Variants in ARHGAP6 observed in about 807,000 individuals in gnomAD.
ARHGAP6 encodes rho GTPase-activating protein 6.
In ARHGAP6, 16 loss-of-function variants were observed where a neutral mutation model predicts 55.7. The ratio of observed to expected loss-of-function variants is 0.29; its 90% confidence interval spans 0.19 to 0.44. The LOEUF (loss-of-function observed/expected upper bound fraction) is 0.44. Among genes scored for constraint, ARHGAP6 ranks in the 20% least tolerant of loss-of-function variants. ARHGAP6 has a pLI of 1.00. For missense variants in ARHGAP6, 698 were observed against 808.9 expected (o/e 0.86, Z 1.66); for synonymous variants, 382 against 360.9 (o/e 1.06, Z -0.66).
At chrX:11,336,365 T>C (rs746048400) in intron 1 of ARHGAP6, among the ~76,000 whole-genome samples, 2 of 111,629 alleles carry the variant, frequency 1.8e-5, no homozygotes, top group South Asian at 7.7e-4. Flanking sequence ...CCTTTGCACC[T>C]GGAGCAGCTA....
intron 1 of ARHGAP6, among the ~76,000 whole-genome samples, chrX:11,429,466 G>A (rs1277445765): frequency 1.8e-5 from 2 of 111,722 alleles, no homozygotes; most frequent in South Asian, 3.8e-4. Context: ...TCAGACTAGT[G>A]TAATTTACAC....
chrX:11,465,225 C>T (rs1296634751), intron 1 of ARHGAP6, among the ~76,000 whole-genome samples: 2 of 111,845 alleles, frequency 1.8e-5, no homozygotes, highest in South Asian at 3.7e-4. Flanking sequence ...ATGGGCTTTG[C>T]GTGCAACTCT....
chrX:11,477,115 A>G (rs1021353722), intron 1 of ARHGAP6, among the ~76,000 whole-genome samples: 1 of 110,182 alleles, frequency 9.1e-6, no homozygotes, highest in African/African-American at 3.3e-5. Flanking sequence ...GAGATCTTAC[A>G]ACTCAAAAAT....
chrX:11,576,289 ATAT>A (rs1330583905), intron 1 of ARHGAP6, among the ~76,000 whole-genome samples: 2 of 112,176 alleles, frequency 1.8e-5, no homozygotes, highest in African/African-American at 6.5e-5. Flanking sequence ...GGCAGTGACT[ATAT>A]TATTTTATAC....
In ARHGAP6 at chrX:11,665,761, G is replaced by C. The variant is rs1165966357; in HGVS notation, c.-933C>G. ...CGCTCGCTCTAGAGGCAGCGGGAAG[G>C]GGGCGGCCAGGACGTGTAGAGCTGG... On this transcript the variant is annotated 5_prime_UTR_variant, in exon 1 of 13. Coordinates refer to ENST00000337414, the MANE Select transcript of ARHGAP6 (RefSeq NM_013427.3). 1 of 113,368 alleles carries C rather than the reference G, an allele frequency of 8.8e-6. No homozygotes were observed. Among genetic ancestry groups the C allele is most frequent in the Non-Finnish European group, 1.9e-5 (1 of 53,569 alleles). 9.3% of individuals were successfully genotyped at this position (113,368 alleles called of 1,213,427 possible). A position where few individuals can be genotyped will look rare whatever the true frequency, so the allele number is the denominator to read the frequency against.
intron 1 of ARHGAP6, among the ~76,000 whole-genome samples, chrX:11,447,753 G>C (rs2050106216): frequency 8.9e-6 from 1 of 112,318 alleles, no homozygotes; most frequent in Non-Finnish European, 1.9e-5. Context: ...CATGCAAACA[G>C]TCACAAAGCA....
In ARHGAP6 at chrX:11,155,720, C is replaced by T. The variant is rs1483286046; in HGVS notation, c.1907+809G>A. On this transcript the variant is annotated intron_variant, in intron 10 of 12. Coordinates refer to ENST00000337414, the MANE Select transcript of ARHGAP6 (RefSeq NM_013427.3). The stretch of plus-strand genomic sequence containing the variant: ...AACAAAAGTGATAATTTTGTAAGAG[C>T]ATAGCAACAACTTTTCCTGTCACAA... Among the ~76,000 whole-genome samples, 3 of 112,149 alleles carry T rather than the reference C, an allele frequency of 2.7e-5. No homozygotes were observed. In the East Asian group the frequency reaches 8.3e-4, roughly 31 times the overall value.
chrX:11,644,921 A>G (rs1229798914), intron 1 of ARHGAP6, among the ~76,000 whole-genome samples: 1 of 112,158 alleles, frequency 8.9e-6, no homozygotes, highest in Non-Finnish European at 1.9e-5. Flanking sequence ...TTGCCCTCAA[A>G]TTGAAAACAA....
chrX:11,365,052 C>T (rs768970060), intron 1 of ARHGAP6, among the ~76,000 whole-genome samples: 4 of 111,538 alleles, frequency 3.6e-5, no homozygotes, highest in Admixed American at 9.5e-5. Context: ...GCCCAATTCC[C>T]GCCTATGAAA....
At chrX:11,488,743 T>C (rs1490802473) in intron 1 of ARHGAP6, among the ~76,000 whole-genome samples, 5 of 111,256 alleles carry the variant, frequency 4.5e-5, no homozygotes, top group Non-Finnish European at 7.5e-5. Context: ...GTGATCTAGG[T>C]TGCATACTCC....
intron 1 of ARHGAP6, among the ~76,000 whole-genome samples, chrX:11,293,251 T>A (rs1053565568): frequency 4.4e-5 from 5 of 112,657 alleles, no homozygotes; most frequent in African/African-American, 1.6e-4. Flanking sequence ...AGATTCCATA[T>A]GCACTAATCA....
intron 1 of ARHGAP6, among the ~76,000 whole-genome samples, chrX:11,318,227 G>T (rs751368495): frequency 4.5e-5 from 5 of 111,916 alleles, no homozygotes; most frequent in Admixed American, 3.8e-4. Context: ...TGGCATAATT[G>T]CTGGACTTTA....
At chrX:11,354,327 C>CTCTCTCTCTCTATATATA (rs1343744315) in intron 1 of ARHGAP6, among the ~76,000 whole-genome samples, 1 of 32,350 alleles carries the variant, frequency 3.1e-5, no homozygotes, top group African/African-American at 1.3e-4. Context: ...CTCTCTCTCT[C>CTCTCTCTCTCTATATATA]TATATATATA....
At chrX:11,321,459 T>A (rs1231445345) in intron 1 of ARHGAP6, among the ~76,000 whole-genome samples, 1 of 111,929 alleles carries the variant, frequency 8.9e-6, no homozygotes. Context: ...AATAGTGCAA[T>A]AAATGCTACT....
intron 1 of ARHGAP6, among the ~76,000 whole-genome samples, chrX:11,568,991 T>G (rs981736281): frequency 3.6e-5 from 4 of 111,600 alleles, no homozygotes; most frequent in Non-Finnish European, 7.5e-5. Flanking sequence ...AGGTACTTAG[T>G]GATGAAAAAG....
chrX:11,223,284 C>CT, intron 2 of ARHGAP6: 2 of 146,763 alleles, frequency 1.4e-5, no homozygotes, highest in South Asian at 1.9e-4. Flanking sequence ...TGATTGTTGG[C>CT]TTTTTTGAAT....
chrX:11,434,487 G>A (rs187225350), intron 1 of ARHGAP6, among the ~76,000 whole-genome samples: 14 of 110,707 alleles, frequency 1.3e-4, no homozygotes, highest in African/African-American at 4.6e-4. Flanking sequence ...GATCAAAACT[G>A]ACCACTCTGG....
At chrX:11,657,169 T>C (rs1256784204) in intron 1 of ARHGAP6, among the ~76,000 whole-genome samples, 1 of 111,081 alleles carries the variant, frequency 9.0e-6, no homozygotes, top group African/African-American at 3.3e-5. Context: ...CTGTACACTC[T>C]GAGACCCATC....
chrX:11,435,636 A>T (rs1007599501), intron 1 of ARHGAP6, among the ~76,000 whole-genome samples: 9 of 112,087 alleles, frequency 8.0e-5, no homozygotes, highest in South Asian at 3.7e-4. Flanking sequence ...AAAGCCACTG[A>T]TGTAGTGGTA....
Sources: allele counts gnomAD v4.1 joint callset (sites outside exome capture counted in the v4.1 genomes callset), GRCh38; gene constraint gnomAD v4.1.1; transcripts MANE v1.5; gene names NCBI Gene and HGNC (gene_info 2026-07-23, HGNC 2026-07-21).